Variants in SETBP1 observed in about 807,000 individuals in gnomAD.
The protein encoded by SETBP1 is SET-binding protein.
Under a neutral mutation model 101.0 loss-of-function variants are expected in SETBP1, and 9 were observed. The ratio of observed to expected loss-of-function variants is 0.09; its 90% CI spans 0.05 to 0.16. The LOEUF is 0.16. SETBP1 is among the 10% of genes least tolerant of loss of function. SETBP1 has a pLI of 1.00. For synonymous variants in SETBP1, 818 were observed against 788.5 expected (o/e 1.04, Z -0.63); for missense variants, 1,858 against 2,033.8 (o/e 0.91, Z 1.66).
Position 45,030,041 on chromosome 18 carries a change from C to T in SETBP1, c.4001-8444C>T, listed in dbSNP as rs562976405. Among the ~76,000 whole-genome samples, 42 of 144,892 alleles carry T rather than the reference C, an allele frequency of 2.9e-4. 1 individual carries two copies. Among genetic ancestry groups the T allele is most frequent in the Admixed American group, 2.0e-3 (29 of 14,350 alleles). The stretch of plus-strand genomic sequence containing the variant: ...TGATTGCCCTGGCCAGAACTTCCAA[C>T]GCTATGTTGAATAGGAGTGTTGAGA... On this transcript the variant is annotated intron_variant, in intron 4 of 5. Transcript: ENST00000649279.
At chr18:44,807,621 AT>A (rs1445151452) in intron 2 of SETBP1, among the ~76,000 whole-genome samples, 1 of 152,150 alleles carries the variant, frequency 6.6e-6, no homozygotes, top group Admixed American at 6.5e-5. Context: ...ATTTGGATTT[AT>A]TTGCTGAAGT....
chr18:44,712,584 T>G (rs1321918130), intron 2 of SETBP1, among the ~76,000 whole-genome samples: 1 of 152,198 alleles, frequency 6.6e-6, no homozygotes, highest in Non-Finnish European at 1.5e-5. Flanking sequence ...GGCAGCATTA[T>G]GTAGAAACTA....
chr18:45,043,439 G>GAAAA (rs34933092), intron 5 of SETBP1, among the ~76,000 whole-genome samples: 1 of 137,904 alleles, frequency 7.3e-6, no homozygotes, highest in African/African-American at 2.7e-5. Flanking sequence ...AGTCCAAGGA[G>GAAAA]AAAAAAAAAA....
intron 2 of SETBP1, among the ~76,000 whole-genome samples, chr18:44,742,371 T>G (rs970246625): frequency 1.3e-5 from 2 of 152,204 alleles, no homozygotes; most frequent in African/African-American, 4.8e-5. Context: ...GAGATTTTGC[T>G]CTGGTTTCAT....
At chr18:44,852,138 C>T (rs1163427334) in intron 2 of SETBP1, among the ~76,000 whole-genome samples, 1 of 152,236 alleles carries the variant, frequency 6.6e-6, no homozygotes, top group Non-Finnish European at 1.5e-5. Context: ...CAGCCCCGCT[C>T]AATAATGAGA....
At chr18:44,908,101 C>A (rs1157819499) in intron 3 of SETBP1, among the ~76,000 whole-genome samples, 1 of 151,776 alleles carries the variant, frequency 6.6e-6, no homozygotes, top group Non-Finnish European at 1.5e-5. Context: ...TGCTCTGACA[C>A]CTGGGCTGGA....
Sources: allele counts gnomAD v4.1 joint callset (sites outside exome capture counted in the v4.1 genomes callset), GRCh38; gene constraint gnomAD v4.1.1; transcripts MANE v1.5; gene names NCBI Gene and HGNC (gene_info 2026-07-23, HGNC 2026-07-21).